The following LRRC32 variants were observed in gnomAD, a reference collection of about 807,000 sequenced individuals.
LRRC32 encodes transforming growth factor beta activator LRRC32.
Under a neutral mutation model 15.0 loss-of-function variants are expected in LRRC32, and 5 were observed. That is an observed-to-expected ratio of 0.33 (90% CI 0.17 to 0.70). The LOEUF (loss-of-function observed/expected upper bound fraction) is 0.70, where lower values mean the gene tolerates loss of function less well. Among genes scored for constraint, LRRC32 ranks in the 30% least tolerant of loss-of-function variants. LRRC32 has a pLI of 0.66. For missense variants in LRRC32, 803 were observed against 854.2 expected (o/e 0.94, Z 0.75); for synonymous variants, 391 against 403.9 (o/e 0.97, Z 0.38).
chr11:76,667,068 G>A (rs1027269073), intron 1 of LRRC32, among the ~76,000 whole-genome samples: 1 of 152,204 alleles, frequency 6.6e-6, no homozygotes, highest in Non-Finnish European at 1.5e-5. Flanking sequence ...CTCCTCATTT[G>A]AGGTTAATGG....
chr11:76,667,269 G>A (rs1183758038), intron 1 of LRRC32, among the ~76,000 whole-genome samples: 1 of 152,168 alleles, frequency 6.6e-6, no homozygotes, highest in African/African-American at 2.4e-5. Context: ...TACTATGCCC[G>A]AGGTCACACG....
At chr11:76,661,716 G>A (rs566204452) in intron 2 of LRRC32, among the ~76,000 whole-genome samples, 1 of 152,348 alleles carries the variant, frequency 6.6e-6, no homozygotes, top group African/African-American at 2.4e-5. Context: ...ACCCAGCGCA[G>A]TAATGGGCAT....
At chr11:76,662,209 C>A (rs902530204) in intron 2 of LRRC32, among the ~76,000 whole-genome samples, 4 of 152,062 alleles carry the variant, frequency 2.6e-5, no homozygotes, top group African/African-American at 9.7e-5. Flanking sequence ...GTCAGGGGAC[C>A]GGGCCCCTGG....
chr11:76,660,839 C>T lies in LRRC32; in HGVS notation c.754G>A (p.Glu252Lys). The stretch of plus-strand genomic sequence containing the variant: ...TCGGGGAAATGGAGCAGTTTGTTCT[C>T]CCGCAGGTCAAGCCAGGTGAGCTGG... ...EFQLTWLDLR[E>K]NKLLHFPDLA... The change falls in exon 3 of 3, where the codon GAG (glutamate) becomes AAG (lysine). Residue 252 changes from glutamate to lysine, a missense_variant. Transcript: ENST00000260061. 1.9e-6 allele frequency: 3 copies of T among 1,614,150 alleles called. 1 individual carries two copies. Among genetic ancestry groups the T allele is most frequent in the Non-Finnish European group, 2.5e-6 (3 of 1,180,032 alleles).
At chr11:76,666,614 T>C (rs1417283569) in intron 1 of LRRC32, among the ~76,000 whole-genome samples, 1 of 152,186 alleles carries the variant, frequency 6.6e-6, no homozygotes, top group Non-Finnish European at 1.5e-5. Flanking sequence ...GCAGGCCCTG[T>C]ACTTTCACTG....
intron 1 of LRRC32, among the ~76,000 whole-genome samples, chr11:76,669,384 T>A (rs866320908): frequency 0.043 from 5,825 of 134,490 alleles, 116 homozygotes; most frequent in Middle Eastern, 0.051. Context: ...TGTGTGTGTG[T>A]GTGAGAGAGA....
chr11:76,661,376 T>A lies in LRRC32; in HGVS notation c.217A>T (p.Thr73Ser). ...SILASPLGFY[T>S]ALRHLDLSTN... ...CTCAGGTCCAGGTGACGAAGTGCTG[T>A]GTAGAAGCCCAGGGGTGAGGCCAGG... Residue 73 changes from threonine (T) to serine (S), a missense_variant, in exon 3 of 3, where the codon ACA (threonine) becomes TCA (serine). By Grantham distance (58) the Thr-to-Ser change is moderately conservative. Transcript: ENST00000260061. 8 of 1,614,106 alleles carry A rather than the reference T, an allele frequency of 5.0e-6. No individual in the cohort carries two copies. The highest frequency in any genetic ancestry group is 6.8e-6 in the Non-Finnish European group (8 of 1,179,984).
chr11:76,659,508 T>G lies in LRRC32; in HGVS notation c.*96A>C. The G allele has an allele frequency of 7.5e-7, 1 of 1,335,772 alleles. No homozygotes were observed. Among genetic ancestry groups the G allele is most frequent in the Non-Finnish European group, 1.0e-6 (1 of 978,930 alleles). The allele number at this position is 1,335,772 out of a possible 1,614,324, so 82.7% of individuals were successfully genotyped here. A position where few individuals can be genotyped will look rare whatever the true frequency, so the allele number is the denominator to read the frequency against. On this transcript the variant is annotated 3_prime_UTR_variant, in exon 3 of 3. Coordinates refer to ENST00000260061, the MANE Select transcript of LRRC32 (RefSeq NM_001128922.2). Reference sequence around the variant, plus strand: ...CTGGGCTGTAATTTGGAGACCAGAGTTCTGGGATCCCGGATCACTGTGTGA... The same window carrying G: ...CTGGGCTGTAATTTGGAGACCAGAGGTCTGGGATCCCGGATCACTGTGTGA...
chr11:76,663,320 T>G (rs976650468), intron 2 of LRRC32: 28 of 152,156 alleles, frequency 1.8e-4, no homozygotes, highest in African/African-American at 6.5e-4. Flanking sequence ...GCAAGAAGAG[T>G]TCAGCTGACC....
At position 76,660,015 on chromosome 11, in the gene LRRC32, C is replaced by T. The variant is rs760410034; in HGVS notation, c.1578G>A (p.Leu526=). The change falls in exon 3 of 3, where the codon CTG becomes CTA. Residue 526 remains leucine (L), a synonymous_variant. Transcript: ENST00000260061. Reference sequence around the variant, plus strand: ...CCTGTGTCCAGGCGGGAAGGTGGCTCAGGCGGTTCTCGGCAAGATTGAGCC... The same window carrying T: ...CCTGTGTCCAGGCGGGAAGGTGGCTTAGGCGGTTCTCGGCAAGATTGAGCC... ...LKRLNLAENR[L]SHLPAWTQAV... The T allele has an allele frequency of 3.7e-6, 6 of 1,614,146 alleles. No homozygotes were observed. The Admixed American group carries it at 5.0e-5, about 13-fold the overall frequency.
intron 2 of LRRC32, 119 bp downstream of exon 2, chr11:76,665,752 G>T: frequency 2.8e-6 from 4 of 1,449,378 alleles, no homozygotes; most frequent in Non-Finnish European, 3.8e-6. Flanking sequence ...TAAATGCAAG[G>T]TACATTCCCT....
intron 1 of LRRC32, among the ~76,000 whole-genome samples, chr11:76,670,205 CT>C (rs1303550021): frequency 6.6e-6 from 1 of 152,200 alleles, no homozygotes; most frequent in Non-Finnish European, 1.5e-5. Context: ...TGGGTGCCCC[CT>C]ACCCCACTAC....
chr11:76,662,585 A>G (rs1952554741), intron 2 of LRRC32: 1 of 152,216 alleles, frequency 6.6e-6, no homozygotes, highest in Non-Finnish European at 1.5e-5. Context: ...TTCTGGGACC[A>G]AAATTCTTCC....
intron 2 of LRRC32, chr11:76,662,499 G>A (rs2094994193): frequency 6.6e-6 from 1 of 152,228 alleles, no homozygotes. Flanking sequence ...CCCAGCTGGT[G>A]AGGAGCAGAG....
chr11:76,666,860 C>G (rs1018509090), intron 1 of LRRC32, among the ~76,000 whole-genome samples: 4 of 152,234 alleles, frequency 2.6e-5, no homozygotes, highest in African/African-American at 9.6e-5. Flanking sequence ...GTGCTGGGAA[C>G]TGGGAACTCA....
intron 1 of LRRC32, among the ~76,000 whole-genome samples, chr11:76,667,110 C>A (rs554359902): frequency 6.6e-6 from 1 of 152,216 alleles, no homozygotes; most frequent in Non-Finnish European, 1.5e-5. Flanking sequence ...GAGAATCAAA[C>A]GAGATGCCAC....
At position 76,658,788 on chromosome 11, in the gene LRRC32, G is replaced by A. The variant is rs1952456074; in HGVS notation, c.*816C>T. 6.5e-6 allele frequency: 1 copy of A among 152,912 alleles called. No individual in the cohort carries two copies. The highest frequency in any genetic ancestry group is 2.4e-5 in the African/African-American group (1 of 41,456). 9.5% of individuals were successfully genotyped at this position (152,912 alleles called of 1,614,324 possible). ...CAGCAGCCAAGGTGGGGCTGCGATG[G>A]AGAAGTGGGGCTGGGCAGGGACGGT... On this transcript the variant is annotated 3_prime_UTR_variant, in exon 3 of 3. Transcript: ENST00000260061.
At chr11:76,669,541 T>G (rs1952679800) in intron 1 of LRRC32, among the ~76,000 whole-genome samples, 1 of 152,070 alleles carries the variant, frequency 6.6e-6, no homozygotes, top group East Asian at 1.9e-4. Context: ...ATTGAGGAAA[T>G]TACTGTAATT....
rs769587279 is a variant in LRRC32, at chr11:76,660,230, T to A, written c.1363A>T (p.Ile455Leu). 1.3e-6 allele frequency: 2 copies of A among 1,575,514 alleles called. No homozygotes were observed. Among genetic ancestry groups the A allele is most frequent in the South Asian group, 1.2e-5 (1 of 84,196 alleles). ...AAGGCCCCTGCCCTGAGCAGCTCTA[T>A]CTCATTATCCACCAGGCTCAGGCTG... is the stretch of plus-strand genomic sequence containing the variant. ...LRSLSLVDNE[I>L]ELLRAGAFLH... The change falls in exon 3 of 3, where the codon ATA (isoleucine) becomes TTA (leucine). Residue 455 changes from isoleucine to leucine, a missense_variant. Ile to Leu is a conservative substitution (Grantham distance 5). Coordinates refer to ENST00000260061, the MANE Select transcript of LRRC32 (RefSeq NM_001128922.2).
Sources: gnomAD v4.1 joint callset for allele counts (sites outside exome capture counted in the v4.1 genomes callset) on GRCh38, gnomAD v4.1.1 for gene constraint, MANE v1.5 for transcripts, NCBI Gene and HGNC (gene_info 2026-07-23, HGNC 2026-07-21) for gene names.